CACNB4: variants seen among roughly 807,000 people sequenced by gnomAD.
CACNB4 encodes the protein calcium voltage-gated channel auxiliary subunit beta 4.
In CACNB4, 32 loss-of-function variants were observed where a neutral mutation model predicts 71.2. The ratio of observed to expected loss-of-function variants is 0.45; its 90% CI spans 0.34 to 0.60. The LOEUF is 0.60. CACNB4 is among the 20% of genes least tolerant of loss of function. The probability of loss-of-function intolerance (pLI) is 0.01; values close to 1 mark genes in which losing one functional copy is unlikely to be tolerated. For missense variants in CACNB4, 464 were observed against 647.9 expected (o/e 0.72, Z 3.08); for synonymous variants, 231 against 236.9 (o/e 0.97, Z 0.23).
chr2:152,008,840 A>C (rs765475162), intron 2 of CACNB4, among the ~76,000 whole-genome samples: 2 of 152,158 alleles, frequency 1.3e-5, no homozygotes, highest in Non-Finnish European at 2.9e-5. Flanking sequence ...CTACTGAACA[A>C]GAATCTGCAT....
At chr2:151,917,937 A>T in intron 2 of CACNB4, among the ~76,000 whole-genome samples, 1 of 152,042 alleles carries the variant, frequency 6.6e-6, no homozygotes, top group Admixed American at 6.5e-5. Context: ...AAAGGCATTA[A>T]AGAGAAAGTT....
intron 2 of CACNB4, among the ~76,000 whole-genome samples, chr2:151,961,528 A>G (rs114089692): frequency 0.013 from 1,959 of 152,332 alleles, 17 homozygotes; most frequent in Admixed American, 0.024. Context: ...GCCAACACAC[A>G]TCTCCAAAGG....
intron 2 of CACNB4, among the ~76,000 whole-genome samples, chr2:151,888,900 G>T (rs527830228): frequency 6.6e-6 from 1 of 152,332 alleles, no homozygotes; most frequent in East Asian, 1.9e-4. Flanking sequence ...AACTTTTACT[G>T]TAATGATGGA....
At chr2:151,964,668 C>T (rs185352072) in intron 2 of CACNB4, among the ~76,000 whole-genome samples, 113 of 152,164 alleles carry the variant, frequency 7.4e-4, no homozygotes, top group African/African-American at 2.3e-3. Context: ...GAAAAGTGTG[C>T]CCTTGGATCA....
chr2:152,070,668 T>C (rs1379327491), intron 2 of CACNB4, among the ~76,000 whole-genome samples: 2 of 152,130 alleles, frequency 1.3e-5, no homozygotes, highest in African/African-American at 2.4e-5. Flanking sequence ...AAAAAGGAAG[T>C]TGGGAAAGAG....
intron 2 of CACNB4, among the ~76,000 whole-genome samples, chr2:151,955,917 GA>G (rs11286288): frequency 0.5 from 69,307 of 139,212 alleles, 19,227 homozygotes; most frequent in Non-Finnish European, 0.65. Flanking sequence ...ATAAAAAATA[GA>G]AAAAAAAAAA....
chr2:151,964,743 G>A (rs1289420458), intron 2 of CACNB4, among the ~76,000 whole-genome samples: 1 of 152,136 alleles, frequency 6.6e-6, no homozygotes, highest in Non-Finnish European at 1.5e-5. Context: ...TGGCACTCTA[G>A]GAATATGCAT....
intron 2 of CACNB4, among the ~76,000 whole-genome samples, chr2:152,020,229 A>C (rs959761011): frequency 1.3e-5 from 2 of 152,208 alleles, no homozygotes; most frequent in African/African-American, 4.8e-5. Flanking sequence ...GTTTAATTGA[A>C]AGAGGCTATC....
intron 2 of CACNB4, among the ~76,000 whole-genome samples, chr2:152,082,571 C>G (rs1200575873): frequency 6.6e-6 from 1 of 152,212 alleles, no homozygotes; most frequent in Admixed American, 6.5e-5. Context: ...TCTGTGGACA[C>G]AGCCATAAAG....
rs760976146 is a variant in CACNB4 at position 151,839,162 on chromosome 2, C to CCT, written c.1518_1519dup (p.Gly507GlufsTer40). 6.2e-7 allele frequency: 1 copy of CCT among 1,613,620 alleles called. No homozygotes were observed. The highest frequency in any genetic ancestry group is 1.1e-5 in the South Asian group (1 of 91,068). On this transcript the variant is annotated frameshift_variant, in exon 14 of 14. Transcript: ENST00000539935. LOFTEE classifies it high-confidence loss of function. ...GTCATGGCTATATCCCCCAGGTGAT[C>CCT]CTCGGTTCCTATGGGGTTTGTAAGT...
rs781284389 is a variant in CACNB4 at position 151,863,019 on chromosome 2, T to C, written c.759-2199A>G. Among the ~76,000 whole-genome samples, 41 of 152,178 alleles carry C rather than the reference T, an allele frequency of 2.7e-4. 1 individual carries two copies. Among genetic ancestry groups the C allele is most frequent in the South Asian group, 2.3e-3 (11 of 4,814 alleles). Reference sequence around the variant, plus strand: ...TGCAGCTTTCAGGCATGAAGTCTCATAGGCAGCTCCTTTCCTCTCCAGAAT... The same window carrying C: ...TGCAGCTTTCAGGCATGAAGTCTCACAGGCAGCTCCTTTCCTCTCCAGAAT... On this transcript the variant is annotated intron_variant, in intron 9 of 13. Coordinates refer to ENST00000539935, the MANE Select transcript of CACNB4 (RefSeq NM_000726.5).
chr2:151,890,274 C>G (rs1407779448), intron 2 of CACNB4, among the ~76,000 whole-genome samples: 1 of 152,176 alleles, frequency 6.6e-6, no homozygotes, highest in Non-Finnish European at 1.5e-5. Flanking sequence ...TAAAATTCAG[C>G]CCCAGCTGTT....
At chr2:151,944,312 T>C (rs1279906619) in intron 2 of CACNB4, among the ~76,000 whole-genome samples, 1 of 152,020 alleles carries the variant, frequency 6.6e-6, no homozygotes, top group Non-Finnish European at 1.5e-5. Context: ...AGCGCTGGGA[T>C]TACAGGCATA....
intron 5 of CACNB4, among the ~76,000 whole-genome samples, chr2:151,875,427 C>T (rs2099845749): frequency 6.6e-6 from 1 of 151,838 alleles, no homozygotes; most frequent in Non-Finnish European, 1.5e-5. Context: ...TCCGATTTCT[C>T]AATCTTTTCC....
Position 151,835,066 on chromosome 2 carries a change from C to T in CACNB4, c.*4053G>A, listed in dbSNP as rs1330530358. On this transcript the variant is annotated 3_prime_UTR_variant, in exon 14 of 14. Coordinates refer to ENST00000539935, the MANE Select transcript of CACNB4 (RefSeq NM_000726.5). ...ACCCAGTAAATGGCTAAGTCATGCT[C>T]TGTGGAAGTCAAGGACCAACAAAAT... 1 of 151,886 alleles carries T rather than the reference C, an allele frequency of 6.6e-6. No individual in the cohort carries two copies. Among genetic ancestry groups the T allele is most frequent in the Non-Finnish European group, 1.5e-5 (1 of 67,828 alleles). 9.4% of individuals were successfully genotyped at this position (151,886 alleles called of 1,614,324 possible).
At chr2:152,084,292 A>G (rs1452427981) in intron 2 of CACNB4, among the ~76,000 whole-genome samples, 3 of 152,220 alleles carry the variant, frequency 2.0e-5, no homozygotes, top group Non-Finnish European at 4.4e-5. Context: ...AGAGTTGCGA[A>G]AGTCTGGAAC....
At chr2:151,968,217 C>T (rs2099871644) in intron 2 of CACNB4, 2 of 146,498 alleles carry the variant, frequency 1.4e-5, no homozygotes, top group African/African-American at 4.9e-5. Context: ...CCTGTGAGAA[C>T]TCGGGGATCC....
At chr2:151,858,071 T>C (rs940625181) in intron 10 of CACNB4, 10 of 152,244 alleles carry the variant, frequency 6.6e-5, no homozygotes, top group African/African-American at 2.2e-4. Flanking sequence ...AGCTCTTTTT[T>C]TGTTTTTTAA....
intron 2 of CACNB4, among the ~76,000 whole-genome samples, chr2:152,072,536 T>C (rs768504460): frequency 2.0e-5 from 3 of 152,256 alleles, no homozygotes; most frequent in East Asian, 1.9e-4. Flanking sequence ...GTAACAGTTA[T>C]AGTAATCTTT....
Sources: allele counts gnomAD v4.1 joint callset (sites outside exome capture counted in the v4.1 genomes callset), GRCh38; gene constraint gnomAD v4.1.1; transcripts MANE v1.5; gene names NCBI Gene and HGNC (gene_info 2026-07-23, HGNC 2026-07-21).